The following SLC17A5 variants were observed in gnomAD, a reference collection of about 807,000 sequenced individuals.
The protein encoded by SLC17A5 is solute carrier family 17 member 5, also known as sialin.
SLC17A5 carries 47 observed loss-of-function variants against 59.4 expected under a neutral mutation model. The ratio of observed to expected loss-of-function variants is 0.79; its 90% CI spans 0.63 to 1.01. The LOEUF is 1.01. Ranked by LOEUF, SLC17A5 falls within the 50% of genes least tolerant of loss-of-function variation. The pLI, the probability that SLC17A5 is intolerant of heterozygous loss-of-function variation, is 0.00. For missense variants in SLC17A5, 522 were observed against 595.5 expected, an observed-to-expected ratio of 0.88 and a Z score of 1.28; for synonymous variants, 202 against 210.7, an observed-to-expected ratio of 0.96 and a Z score of 0.36.
intron 6 of SLC17A5, among the ~76,000 whole-genome samples, chr6:73,633,977 T>G (rs950708438): frequency 1.2e-4 from 18 of 152,196 alleles, no homozygotes; most frequent in African/African-American, 4.1e-4. Context: ...AAAGTGACTT[T>G]GAAGCCAACA....
chr6:73,635,599 T>G (rs1407562841), intron 5 of SLC17A5, 99 bp from the exon 6 acceptor site: 14 of 638,254 alleles, frequency 2.2e-5, no homozygotes, highest in Non-Finnish European at 3.8e-5. Flanking sequence ...AACAACAATT[T>G]TTACATGTCT....
At chr6:73,629,331 G>A (rs555355703) in intron 6 of SLC17A5, among the ~76,000 whole-genome samples, 3 of 152,152 alleles carry the variant, frequency 2.0e-5, no homozygotes, top group Admixed American at 6.6e-5. Context: ...GAGGGAGGCT[G>A]CAGTGAGCCA....
intron 8 of SLC17A5, among the ~76,000 whole-genome samples, chr6:73,612,790 G>A (rs1199845062): frequency 3.3e-5 from 5 of 152,160 alleles, no homozygotes; most frequent in Admixed American, 6.6e-5. Flanking sequence ...AGTGGCTCAC[G>A]CCTGTAATTC....
intron 10 of SLC17A5, among the ~76,000 whole-genome samples, chr6:73,596,345 G>T (rs1766798486): frequency 6.6e-6 from 1 of 152,156 alleles, no homozygotes; most frequent in South Asian, 2.1e-4. Context: ...TGACATCAGA[G>T]AGAGGCCTGG....
intron 7 of SLC17A5, among the ~76,000 whole-genome samples, chr6:73,618,955 G>A (rs1049935224): frequency 2.6e-5 from 4 of 152,110 alleles, no homozygotes; most frequent in Non-Finnish European, 4.4e-5. Flanking sequence ...TCGAACTCTT[G>A]AGCACAGGCA....
At chr6:73,601,261 T>C (rs1260537024) in intron 9 of SLC17A5, among the ~76,000 whole-genome samples, 1 of 145,688 alleles carries the variant, frequency 6.9e-6, no homozygotes, top group Non-Finnish European at 1.5e-5. Context: ...GAGGAGCGTC[T>C]CTGCCCAGCC....
rs544580860 is a variant in SLC17A5, at chr6:73,628,515, G to A, written c.820-6553C>T. ...GAACCCGGGAAGCAGAGGTTGCAAT[G>A]AGCTGAGATAGTGCCACTGCTCTCC... On this transcript the variant is annotated intron_variant, in intron 6 of 10. Coordinates refer to ENST00000355773, the MANE Select transcript of SLC17A5 (RefSeq NM_012434.5). Among the ~76,000 whole-genome samples, 58 of 152,284 alleles carry A rather than the reference G, an allele frequency of 3.8e-4. 1 individual carries two copies. In the South Asian group the frequency reaches 0.011, roughly 28 times the overall value.
chr6:73,639,399 GCTGA>G (rs2150116196), intron 3 of SLC17A5, among the ~76,000 whole-genome samples: 1 of 152,202 alleles, frequency 6.6e-6, no homozygotes, highest in South Asian at 2.1e-4. Context: ...TGTACTTTCC[GCTGA>G]CTCTTTCAAA....
At chr6:73,605,747 G>A (rs1365782981) in intron 9 of SLC17A5, among the ~76,000 whole-genome samples, 1 of 151,998 alleles carries the variant, frequency 6.6e-6, no homozygotes, top group Non-Finnish European at 1.5e-5. Context: ...GGAGGTTGAG[G>A]CTGGCGGATC....
intron 6 of SLC17A5, among the ~76,000 whole-genome samples, chr6:73,623,344 A>AT (rs886324741): frequency 6.9e-5 from 9 of 129,676 alleles, no homozygotes; most frequent in East Asian, 2.4e-4. Flanking sequence ...TGGCCTATGT[A>AT]TTTTTTTTTG....
chr6:73,645,784 C>T (rs1769518072), intron 1 of SLC17A5, among the ~76,000 whole-genome samples: 1 of 116,166 alleles, frequency 8.6e-6, no homozygotes, highest in Non-Finnish European at 1.7e-5. Flanking sequence ...ACAGAGACTC[C>T]GTCTCAAAAA....
intron 6 of SLC17A5, 151 bp downstream of exon 6, chr6:73,635,231 G>A (rs1768939969): frequency 3.5e-6 from 2 of 564,458 alleles, no homozygotes; most frequent in African/African-American, 1.9e-5. Flanking sequence ...ACTGCACCCA[G>A]CCAGACAATA....
At chr6:73,603,089 A>T (rs560114869) in intron 9 of SLC17A5, among the ~76,000 whole-genome samples, 2 of 152,128 alleles carry the variant, frequency 1.3e-5, no homozygotes, top group Non-Finnish European at 1.5e-5. Flanking sequence ...CTAGTATGTT[A>T]TTATAGACGT....
At position 73,608,164 on chromosome 6, in the gene SLC17A5, C is replaced by G. The variant is rs570821584; in HGVS notation, c.1259+2236G>C. On this transcript the variant is annotated intron_variant, in intron 9 of 10. Transcript: ENST00000355773. The stretch of plus-strand genomic sequence containing the variant: ...CAGCATCCATTCCCACTCCCCACCC[C>G]CATCTGTGTAGCAATAGTGATGTCT... Among the ~76,000 whole-genome samples, 25 of 152,278 alleles carry G rather than the reference C, an allele frequency of 1.6e-4. No homozygotes were observed. In the South Asian group the frequency reaches 5.0e-3, roughly 30 times the overall value.
chr6:73,603,360 G>T (rs1043613539), intron 9 of SLC17A5, among the ~76,000 whole-genome samples: 1 of 150,844 alleles, frequency 6.6e-6, no homozygotes, highest in Non-Finnish European at 1.5e-5. Context: ...CCAAATTGCT[G>T]GGATTACAGG....
At chr6:73,650,572 G>A (rs1278659162) in intron 1 of SLC17A5, among the ~76,000 whole-genome samples, 1 of 150,400 alleles carries the variant, frequency 6.6e-6, no homozygotes, top group African/African-American at 2.5e-5. Flanking sequence ...GCACATGCCT[G>A]CAGTCCCAGT....
rs1766712663 is a variant in SLC17A5 at position 73,594,572 on chromosome 6, CT to C, written c.*504del. On this transcript the variant is annotated 3_prime_UTR_variant, in exon 11 of 11. Coordinates refer to ENST00000355773, the MANE Select transcript of SLC17A5 (RefSeq NM_012434.5). Reference sequence around the variant, plus strand: ...AAGCCAGGGAGGGAGTGCTTGGCAGCTGCCTGGGCACACTCCCCTCAGTCCA... The same window carrying C: ...AAGCCAGGGAGGGAGTGCTTGGCAGCGCCTGGGCACACTCCCCTCAGTCCA... 1 of 171,968 alleles carries C rather than the reference CT, an allele frequency of 5.8e-6. No individual in the cohort carries two copies. The highest frequency in any genetic ancestry group is 5.7e-5 in the Admixed American group (1 of 17,634). The allele number at this position is 171,968 out of a possible 1,614,324, so 10.7% of individuals were successfully genotyped here. A position where few individuals can be genotyped will look rare whatever the true frequency, so the allele number is the denominator to read the frequency against.
At position 73,620,174 on chromosome 6, in the gene SLC17A5, C is replaced by T. The variant is rs562476889; in HGVS notation, c.978+1630G>A. On this transcript the variant is annotated intron_variant, in intron 7 of 10. Coordinates refer to ENST00000355773, the MANE Select transcript of SLC17A5 (RefSeq NM_012434.5). The stretch of plus-strand genomic sequence containing the variant: ...CTGACCTCAAGTGATCCACCCACCT[C>T]GGCCTCCCAAAGTGCTGGTATTACA... Among the ~76,000 whole-genome samples the T allele has an allele frequency of 1.3e-3, 196 of 152,178 alleles. 1 individual carries two copies. The highest frequency in any genetic ancestry group is 4.6e-3 in the African/African-American group (192 of 41,542).
At chr6:73,608,832 A>G (rs572542580) in intron 9 of SLC17A5, among the ~76,000 whole-genome samples, 18 of 152,286 alleles carry the variant, frequency 1.2e-4, no homozygotes, top group African/African-American at 3.4e-4. Flanking sequence ...CCTGGGCAAG[A>G]TAGGGAGACC....
Sources: gnomAD v4.1 joint callset for allele counts (sites outside exome capture counted in the v4.1 genomes callset) on GRCh38, gnomAD v4.1.1 for gene constraint, MANE v1.5 for transcripts, NCBI Gene and HGNC (gene_info 2026-07-23, HGNC 2026-07-21) for gene names.